The following TRIM27 variants were observed in gnomAD, a reference collection of about 807,000 sequenced individuals.
TRIM27 encodes the protein zinc finger protein RFP.
TRIM27 carries 12 observed loss-of-function variants against 57.6 expected under a neutral mutation model. The ratio of observed to expected loss-of-function variants is 0.21; its 90% CI spans 0.13 to 0.34. The LOEUF is 0.34. TRIM27 is among the 10% of genes least tolerant of loss of function. The probability of loss-of-function intolerance (pLI) is 1.00; values close to 1 mark genes in which losing one functional copy is unlikely to be tolerated. For missense variants in TRIM27, 403 were observed against 656.8 expected (o/e 0.61, Z 4.22); for synonymous variants, 266 against 259.0 (o/e 1.03, Z -0.26).
chr6:28,906,955 C>A lies in TRIM27; in HGVS notation c.946+281G>T, dbSNP rs541348424. On this transcript the variant is annotated intron_variant, in intron 7 of 7. Transcript: ENST00000377199. Reference sequence around the variant, plus strand: ...AGAGCAGTGTACTAGTGTACCAGCTCTGTTCTACTTTTGGGGAACTGCGGT... The same window carrying A: ...AGAGCAGTGTACTAGTGTACCAGCTATGTTCTACTTTTGGGGAACTGCGGT... 9.1e-6 allele frequency: 4 copies of A among 437,602 alleles called. No individual in the cohort carries two copies. In the East Asian group the frequency reaches 1.6e-4, roughly 17 times the overall value. The allele number at this position is 437,602 out of a possible 1,614,324, so 27.1% of individuals were successfully genotyped here. A position where few individuals can be genotyped will look rare whatever the true frequency, so the allele number is the denominator to read the frequency against.
chr6:28,906,013 A>C (rs1450622207), intron 7 of TRIM27: 1 of 152,122 alleles, frequency 6.6e-6, no homozygotes, highest in Non-Finnish European at 1.5e-5. Flanking sequence ...TGCATACAGG[A>C]GTTTGAGACC....
At chr6:28,920,504 G>A (rs1263799272) in intron 2 of TRIM27, among the ~76,000 whole-genome samples, 1 of 152,102 alleles carries the variant, frequency 6.6e-6, no homozygotes, top group East Asian at 1.9e-4. Flanking sequence ...GTCATGGATG[G>A]GTAATTAAAG....
At chr6:28,923,148 C>T (rs1418006028) in intron 1 of TRIM27, 65 bp downstream of exon 1, 23 of 1,444,096 alleles carry the variant, frequency 1.6e-5, no homozygotes, top group East Asian at 5.0e-5. Flanking sequence ...AAAAAGGAAG[C>T]CCCTTTGGCT....
At chr6:28,908,685 G>A in intron 6 of TRIM27, 123 bp downstream of exon 6, 1 of 818,950 alleles carries the variant, frequency 1.2e-6, no homozygotes, top group Non-Finnish European at 1.9e-6. Flanking sequence ...AAGGGAAGAT[G>A]TAAAATATCA....
rs1396653529 is a variant in TRIM27, at chr6:28,917,825, CCTTT to C, written c.747+2183_747+2186del. On this transcript the variant is annotated intron_variant, in intron 3 of 7. Coordinates refer to ENST00000377199, the MANE Select transcript of TRIM27 (RefSeq NM_006510.5). ...CTGATCAGTACATGGTTTCTTTCTTCCTTTCTTTTTTTTTTTTTTGGAGACAGGG... is the reference window on the plus strand; with the variant it reads ...CTGATCAGTACATGGTTTCTTTCTTCCTTTTTTTTTTTTTTGGAGACAGGG... 1.7e-3 allele frequency among the ~76,000 whole-genome samples: 255 copies of C among 150,856 alleles called. 1 individual carries two copies. The highest frequency in any genetic ancestry group is 4.9e-3 in the African/African-American group (200 of 40,632).
At chr6:28,923,173 T>G (rs908193475) in intron 1 of TRIM27, 40 bp downstream of exon 1, 14 of 1,505,740 alleles carry the variant, frequency 9.3e-6, no homozygotes, top group Non-Finnish European at 1.2e-5. Context: ...CCTCCCTTTG[T>G]CCGACTCGCG....
chr6:28,923,023 G>C (rs929042), intron 1 of TRIM27, among the ~76,000 whole-genome samples, 190 bp downstream of exon 1: 36,624 of 152,124 alleles, frequency 0.24, 4,764 homozygotes, highest in East Asian at 0.51. Flanking sequence ...GACACTCCTG[G>C]CTTCCTCGCC....
chr6:28,907,725 C>T (rs209122), intron 6 of TRIM27: 227,058 of 400,588 alleles, frequency 0.57, 67,923 homozygotes, highest in African/African-American at 0.86. Context: ...AACAGAATTT[C>T]TCACACATTA....
At chr6:28,915,833 T>C (rs1773553141) in intron 3 of TRIM27, 1 of 152,104 alleles carries the variant, frequency 6.6e-6, no homozygotes. Context: ...AAACAAAACA[T>C]ATTATATATC....
At chr6:28,909,548 A>G (rs973875080) in intron 4 of TRIM27, among the ~76,000 whole-genome samples, 18 of 152,212 alleles carry the variant, frequency 1.2e-4, no homozygotes, top group African/African-American at 4.3e-4. Context: ...ATGATCCTCT[A>G]GACCAAAATA....
chr6:28,917,821 TCTTC>T lies in TRIM27; in HGVS notation c.747+2187_747+2190del, dbSNP rs1404489501. Among the ~76,000 whole-genome samples, 399 of 151,838 alleles carry T rather than the reference TCTTC, an allele frequency of 2.6e-3. 2 individuals are homozygous for T. Among genetic ancestry groups the T allele is most frequent in the African/African-American group, 9.1e-3 (376 of 41,402 alleles). On this transcript the variant is annotated intron_variant, in intron 3 of 7. Coordinates refer to ENST00000377199, the MANE Select transcript of TRIM27 (RefSeq NM_006510.5). ...ATTGCTGATCAGTACATGGTTTCTT[TCTTC>T]CTTTCTTTTTTTTTTTTTTGGAGAC...
rs1015449005 is a variant in TRIM27 at position 28,923,743 on chromosome 6, A to G, written c.-111T>C. On this transcript the variant is annotated 5_prime_UTR_variant, in exon 1 of 8. Transcript: ENST00000377199. ...GCTGTTCCTGAGAGGCACCGGGCGGACGGAGGGCGGCGCCTCCCGGGCCCG... is the reference window on the plus strand; with the variant it reads ...GCTGTTCCTGAGAGGCACCGGGCGGGCGGAGGGCGGCGCCTCCCGGGCCCG... The G allele has an allele frequency of 2.3e-5, 29 of 1,262,480 alleles. No homozygotes were observed. Among genetic ancestry groups the G allele is most frequent in the Middle Eastern group, 2.8e-4 (1 of 3,528 alleles). The allele number at this position is 1,262,480 out of a possible 1,614,324, so 78.2% of individuals were successfully genotyped here.
intron 2 of TRIM27, among the ~76,000 whole-genome samples, chr6:28,920,842 G>A (rs944113362): frequency 1.3e-5 from 2 of 152,098 alleles, no homozygotes; most frequent in African/African-American, 4.8e-5. Flanking sequence ...GTGCCCTATG[G>A]AGGATGGAAC....
chr6:28,922,732 C>T (rs905356743), intron 1 of TRIM27, among the ~76,000 whole-genome samples: 7 of 152,194 alleles, frequency 4.6e-5, no homozygotes, highest in Admixed American at 2.6e-4. Flanking sequence ...AAGTGACTTA[C>T]TCCAGCAGCG....
chr6:28,923,064 T>G, intron 1 of TRIM27, 149 bp downstream of exon 1: 1 of 948,188 alleles, frequency 1.1e-6, no homozygotes, highest in Non-Finnish European at 1.5e-6. Context: ...ATCTGAGTGC[T>G]GAGGCTCTGG....
intron 3 of TRIM27, among the ~76,000 whole-genome samples, chr6:28,912,710 T>C (rs1057490182): frequency 2.2e-4 from 33 of 152,206 alleles, no homozygotes; most frequent in Admixed American, 2.2e-3. Context: ...TATAAAAATG[T>C]TGCAGCAGGT....
intron 3 of TRIM27, 69 bp from the exon 4 acceptor site, chr6:28,911,787 T>C: frequency 1.3e-6 from 2 of 1,545,094 alleles, no homozygotes; most frequent in South Asian, 2.3e-5. Context: ...TCACAGATGT[T>C]TGTTGAAAAA....
chr6:28,908,799 T>A lies in TRIM27; in HGVS notation c.919+9A>T. On this transcript the variant is annotated intron_variant, in intron 6 of 7. Transcript: ENST00000377199. ...TTACATCAAAAGCCCAGTAGGTAGA[T>A]AAATTTACCTTGGATTTTCTCCATA... 1 of 1,613,726 alleles carries A rather than the reference T, an allele frequency of 6.2e-7. No individual in the cohort carries two copies. The highest frequency in any genetic ancestry group is 1.1e-5 in the South Asian group (1 of 91,020).
At chr6:28,914,138 T>G (rs1488783026) in intron 3 of TRIM27, among the ~76,000 whole-genome samples, 1 of 134,930 alleles carries the variant, frequency 7.4e-6, no homozygotes, top group Non-Finnish European at 1.6e-5. Context: ...CTATCCCAGC[T>G]TTTTTTTTTT....
Sources: allele counts gnomAD v4.1 joint callset (sites outside exome capture counted in the v4.1 genomes callset), GRCh38; gene constraint gnomAD v4.1.1; transcripts MANE v1.5; gene names NCBI Gene and HGNC (gene_info 2026-07-23, HGNC 2026-07-21).